TMPRSS9: variants seen among roughly 807,000 people sequenced by gnomAD.
TMPRSS9 encodes transmembrane serine protease 9, also known as transmembrane protease serine 9.
Under a neutral mutation model 111.4 loss-of-function variants are expected in TMPRSS9, and 113 were observed. The observed-to-expected ratio is 1.01, with a 90% CI of 0.87 to 1.19. The LOEUF is 1.19. TMPRSS9 is among the 50% of genes most tolerant of loss of function. TMPRSS9 has a pLI of 0.00. For synonymous variants in TMPRSS9, 805 were observed against 659.1 expected (o/e 1.22, Z -3.39); for missense variants, 1,803 against 1,513.1 (o/e 1.19, Z -3.18).
intron 13 of TMPRSS9, 152 bp from the exon 15 acceptor site, chr19:2,421,702 T>TG: frequency 2.9e-6 from 2 of 690,252 alleles, no homozygotes; most frequent in South Asian, 4.2e-5. Context: ...CAGCCAGGCA[T>TG]GGGGCTGCAG....
chr19:2,393,216 T>A (rs1293204250), intron 1 of TMPRSS9, among the ~76,000 whole-genome samples: 3 of 152,188 alleles, frequency 2.0e-5, no homozygotes, highest in Non-Finnish European at 4.4e-5. Context: ...CGAGAAATCT[T>A]GCTGCTGCTC....
At chr19:2,391,462 G>A (rs533550701) in intron 1 of TMPRSS9, among the ~76,000 whole-genome samples, 2 of 151,064 alleles carry the variant, frequency 1.3e-5, no homozygotes, top group Admixed American at 1.3e-4. Flanking sequence ...AGTGGCTGTA[G>A]GTACCAAGTA....
chr19:2,385,910 C>T (rs1295354776), upstream of TMPRSS9, among the ~76,000 whole-genome samples: 1 of 151,974 alleles, frequency 6.6e-6, no homozygotes, highest in East Asian at 1.9e-4. Flanking sequence ...ATCCTGTGGG[C>T]CAGAGCCAGA....
chr19:2,401,660 T>G (rs1970850334), intron 4 of TMPRSS9, among the ~76,000 whole-genome samples: 1 of 151,748 alleles, frequency 6.6e-6, no homozygotes, highest in Non-Finnish European at 1.5e-5. Flanking sequence ...CAGGCTGGAG[T>G]ACAATGGTGT....
chr19:2,408,134 G>A lies in TMPRSS9; in HGVS notation c.843-222G>A, dbSNP rs575157908. Reference sequence around the variant, plus strand: ...GTGTTTCGCTATGTTGCCCAGGCTCGTCTTGAACTCCTGGGCTCAGGTGAT... The same window carrying A: ...GTGTTTCGCTATGTTGCCCAGGCTCATCTTGAACTCCTGGGCTCAGGTGAT... On this transcript the variant is annotated intron_variant, in intron 7 of 17. Transcript: ENST00000648592. 7.3e-5 allele frequency among the ~76,000 whole-genome samples: 11 copies of A among 151,704 alleles called. No individual in the cohort carries two copies. The South Asian group carries it at 1.3e-3, about 17-fold the overall frequency.
At chr19:2,399,402 C>A (rs1970782204) in intron 4 of TMPRSS9, among the ~76,000 whole-genome samples, 1 of 152,070 alleles carries the variant, frequency 6.6e-6, no homozygotes. Flanking sequence ...TGGCCAACAC[C>A]CCATCTGTAC....
intron 9 of TMPRSS9, among the ~76,000 whole-genome samples, chr19:2,411,630 C>A (rs1173479216): frequency 6.6e-6 from 1 of 152,118 alleles, no homozygotes; most frequent in Non-Finnish European, 1.5e-5. Flanking sequence ...GTGGCACCAT[C>A]TTGGCTCACC....
At chr19:2,386,828 C>T (rs1289335096), upstream of TMPRSS9, among the ~76,000 whole-genome samples, 1 of 151,352 alleles carries the variant, frequency 6.6e-6, no homozygotes, top group African/African-American at 2.4e-5. Flanking sequence ...CCCATCTCTA[C>T]TAGAAATACA....
chr19:2,415,732 T>G, exon 11 of TMPRSS9: 1 of 1,610,190 alleles, frequency 6.2e-7, no homozygotes, highest in Non-Finnish European at 8.5e-7. Context: ...CGGAGCTGCC[T>G]CCGGGGAGGT....
intron 1 of TMPRSS9, among the ~76,000 whole-genome samples, chr19:2,381,374 G>T (rs1488339104): frequency 2.0e-5 from 3 of 151,790 alleles, no homozygotes; most frequent in Admixed American, 6.6e-5. Flanking sequence ...GTGTGTGTGT[G>T]TGTGTTGGGG....
At chr19:2,413,847 G>A in exon 10 of TMPRSS9, 1 of 1,613,708 alleles carries the variant, frequency 6.2e-7, no homozygotes, top group South Asian at 1.1e-5. Flanking sequence ...GATCCTGGAG[G>A]CCACCACCAA....
intron 1 of TMPRSS9, among the ~76,000 whole-genome samples, chr19:2,368,154 C>T (rs2145242010): frequency 6.6e-6 from 1 of 152,232 alleles, no homozygotes; most frequent in East Asian, 1.9e-4. Context: ...TTTCAGGAGG[C>T]ATTAGGCTAC....
rs1970247679 is a variant in TMPRSS9, at chr19:2,366,328, CAG to C, written c.-26+5971_-26+5972del. 2.0e-5 allele frequency among the ~76,000 whole-genome samples: 3 copies of C among 152,188 alleles called. No individual in the cohort carries two copies. In the South Asian group the frequency reaches 6.2e-4, roughly 32 times the overall value. On this transcript the variant is annotated intron_variant, in intron 1 of 17. Coordinates refer to the TMPRSS9 transcript ENST00000649857. ...CATCAGTGCACTCCAGCCTGGGTGA[CAG>C]AGTGAAACCCTATCTCAAAAACCAA...
rs1022703209 is a variant in TMPRSS9, at chr19:2,425,234, G to A, written c.2950G>A (p.Val984Ile). Residue 984 changes from valine (V) to isoleucine (I), a missense_variant, in exon 16 of 18, where the codon GTC (valine) becomes ATC (isoleucine). Val to Ile is a conservative substitution (Grantham distance 29). Coordinates refer to ENST00000648592, the Ensembl canonical transcript of TMPRSS9. ...GCGACCCCCGGACGGCACGCGCTGC[G>A]TCATCACCGGCTGGGGCTCGGTGCG... 5 of 1,426,490 alleles carry A rather than the reference G, an allele frequency of 3.5e-6. No homozygotes were observed. In the African/African-American group the frequency reaches 4.6e-5, roughly 13 times the overall value. 88.4% of individuals were successfully genotyped at this position (1,426,490 alleles called of 1,614,324 possible).
At chr19:2,401,686 C>G (rs773318518) in intron 4 of TMPRSS9, among the ~76,000 whole-genome samples, 2 of 151,770 alleles carry the variant, frequency 1.3e-5, no homozygotes, top group African/African-American at 2.4e-5. Context: ...CGGCTCACTG[C>G]AACCTCTGCC....
Position 2,410,358 on chromosome 19 carries a change from C to T in TMPRSS9, c.1218C>T (p.Cys406=), listed in dbSNP as rs149202067. The stretch of plus-strand genomic sequence containing the variant: ...ATTCACTCACTGACAGGATGGTGTG[C>T]GCTGGCTACCTGGACGGGAAGGTGG... The change falls in exon 9 of 18, where the codon TGC becomes TGT. Residue 406 remains cysteine (C), a synonymous_variant. Coordinates refer to ENST00000648592, the Ensembl canonical transcript of TMPRSS9. 324 of 1,614,012 alleles carry T rather than the reference C, an allele frequency of 2.0e-4. No homozygotes were observed. The East Asian group carries it at 3.1e-3, about 15-fold the overall frequency.
intron 14 of TMPRSS9, among the ~76,000 whole-genome samples, chr19:2,422,570 G>A (rs182648476): frequency 1.9e-4 from 29 of 150,840 alleles, no homozygotes; most frequent in South Asian, 8.4e-4. Context: ...GCGAAACTCC[G>A]TCTCAAAAAA....
intron 6 of TMPRSS9, 148 bp downstream of exon 7, chr19:2,403,343 C>A: frequency 3.0e-6 from 2 of 667,200 alleles, no homozygotes; most frequent in Non-Finnish European, 5.2e-6. Context: ...AAGGGGCACC[C>A]ATGGTATGGG....
Position 2,366,076 on chromosome 19 carries a change from G to GA in TMPRSS9, c.-26+5723dup, listed in dbSNP as rs1292646038. On this transcript the variant is annotated intron_variant, in intron 1 of 17. Transcript: ENST00000649857. ...CTTTGGGTTTTATTGAAACTGCTTGGAAAAAAAGGGAACCCCCTGAATTTC... is the reference window on the plus strand; with the variant it reads ...CTTTGGGTTTTATTGAAACTGCTTGGAAAAAAAAGGGAACCCCCTGAATTTC... Among the ~76,000 whole-genome samples, 7 of 152,096 alleles carry GA rather than the reference G, an allele frequency of 4.6e-5. No homozygotes were observed. In the East Asian group the frequency reaches 1.2e-3, roughly 25 times the overall value.
Sources: gnomAD v4.1 joint callset for allele counts (sites outside exome capture counted in the v4.1 genomes callset) on GRCh38, gnomAD v4.1.1 for gene constraint, MANE v1.5 for transcripts, NCBI Gene and HGNC (gene_info 2026-07-23, HGNC 2026-07-21) for gene names.